RIT2: variants seen among roughly 807,000 people sequenced by gnomAD.
RIT2 encodes Ras like without CAAX 2.
A neutral mutation model predicts 23.7 loss-of-function variants in RIT2; 24 were observed. The observed-to-expected ratio is 1.01, with a 90% CI of 0.73 to 1.43. RIT2 has a LOEUF of 1.43. Among genes scored for constraint, RIT2 ranks in the 40% most tolerant of loss-of-function variants. The pLI, the probability that RIT2 is intolerant of heterozygous loss-of-function variation, is 0.00. For synonymous variants in RIT2, 107 were observed against 91.1 expected (o/e 1.17, Z -0.99); for missense variants, 236 against 266.9 (o/e 0.88, Z 0.81).
intron 2 of RIT2, among the ~76,000 whole-genome samples, chr18:42,993,944 A>G (rs927689615): frequency 1.3e-5 from 2 of 152,124 alleles, no homozygotes; most frequent in Non-Finnish European, 2.9e-5. Context: ...TTTAAAGCCT[A>G]TAAACTCTCC....
At chr18:43,090,295 G>T (rs1913390174) in intron 1 of RIT2, among the ~76,000 whole-genome samples, 1 of 152,114 alleles carries the variant, frequency 6.6e-6, no homozygotes, top group Non-Finnish European at 1.5e-5. Context: ...GATCATTAGA[G>T]AAATGCAAAT....
At chr18:42,823,465 C>T (rs771498290) in intron 4 of RIT2, among the ~76,000 whole-genome samples, 12 of 152,086 alleles carry the variant, frequency 7.9e-5, no homozygotes, top group Non-Finnish European at 2.9e-5. Flanking sequence ...TTGATAAAAA[C>T]TGTGAAAGCA....
At chr18:42,875,795 G>C (rs1422417353) in intron 4 of RIT2, among the ~76,000 whole-genome samples, 1 of 151,794 alleles carries the variant, frequency 6.6e-6, no homozygotes, top group South Asian at 2.1e-4. Context: ...CTTCTTTCTG[G>C]TGAAGAGGGT....
chr18:43,081,668 G>T lies in RIT2; in HGVS notation c.103+33749C>A, dbSNP rs575250717. 2.0e-5 allele frequency among the ~76,000 whole-genome samples: 3 copies of T among 152,142 alleles called. No homozygotes were observed. The South Asian group carries it at 6.2e-4, about 32-fold the overall frequency. On this transcript the variant is annotated intron_variant, in intron 1 of 4. Coordinates refer to ENST00000326695, the MANE Select transcript of RIT2 (RefSeq NM_002930.4). ...CTAGAAGACTCCTGATTACTAAGAG[G>T]GAGACCTATATTTAAAACTCAGGTC...
intron 3 of RIT2, among the ~76,000 whole-genome samples, chr18:42,927,486 A>G (rs898289626): frequency 4.0e-5 from 6 of 151,818 alleles, no homozygotes; most frequent in Admixed American, 4.0e-4. Flanking sequence ...TCAACTTAAT[A>G]ATATATGATA....
chr18:43,000,671 A>T (rs997268414), intron 2 of RIT2, among the ~76,000 whole-genome samples: 2 of 151,832 alleles, frequency 1.3e-5, no homozygotes, highest in African/African-American at 4.8e-5. Flanking sequence ...CATAATAGTG[A>T]GTTTTCATGA....
At chr18:42,981,469 A>T (rs1568046039) in intron 2 of RIT2, among the ~76,000 whole-genome samples, 1 of 152,134 alleles carries the variant, frequency 6.6e-6, no homozygotes, top group Admixed American at 6.6e-5. Context: ...GAGAATATCT[A>T]GCGACAAAGG....
intron 4 of RIT2, among the ~76,000 whole-genome samples, chr18:42,843,668 G>C (rs1906829254): frequency 6.6e-6 from 1 of 152,106 alleles, no homozygotes; most frequent in African/African-American, 2.4e-5. Context: ...AGCTCAGGGG[G>C]GTTCTCAATT....
intron 2 of RIT2, among the ~76,000 whole-genome samples, chr18:42,974,772 G>A (rs1042392653): frequency 6.6e-5 from 10 of 152,018 alleles, no homozygotes; most frequent in East Asian, 3.9e-4. Context: ...TAATAATAAC[G>A]TGAAGAGAAA....
intron 3 of RIT2, among the ~76,000 whole-genome samples, chr18:42,963,071 G>C (rs778806049): frequency 5.3e-5 from 8 of 152,102 alleles, no homozygotes; most frequent in Non-Finnish European, 8.8e-5. Flanking sequence ...CCTTGAATAG[G>C]AGCATTTAAG....
intron 1 of RIT2, among the ~76,000 whole-genome samples, chr18:43,068,133 T>C (rs1912812862): frequency 6.6e-6 from 1 of 152,164 alleles, no homozygotes; most frequent in South Asian, 2.1e-4. Flanking sequence ...GTGATGAGGA[T>C]GTATAAGATA....
Position 43,103,215 on chromosome 18 carries a change from A to G in RIT2, c.103+12202T>C, listed in dbSNP as rs1913729968. Among the ~76,000 whole-genome samples the G allele has an allele frequency of 7.2e-5, 11 of 152,174 alleles. No individual in the cohort carries two copies. The South Asian group carries it at 2.3e-3, about 32-fold the overall frequency. On this transcript the variant is annotated intron_variant, in intron 1 of 4. Transcript: ENST00000326695. ...TCTATTATTCATGGCTCTATTGTGA[A>G]CTTTTAGAATATTGCTTAGTTTTAT...
intron 1 of RIT2, among the ~76,000 whole-genome samples, chr18:43,040,527 A>G (rs968887391): frequency 6.6e-6 from 1 of 152,180 alleles, no homozygotes; most frequent in Non-Finnish European, 1.5e-5. Flanking sequence ...GCCTCCTCTG[A>G]GTTCTTTATG....
chr18:42,820,692 T>C (rs1020460850), intron 4 of RIT2, among the ~76,000 whole-genome samples: 5 of 152,180 alleles, frequency 3.3e-5, no homozygotes, highest in Non-Finnish European at 4.4e-5. Context: ...ATTTCTTCTC[T>C]TTATCCTTTC....
intron 4 of RIT2, among the ~76,000 whole-genome samples, chr18:42,813,151 T>C (rs532589140): frequency 3.6e-4 from 55 of 152,326 alleles, no homozygotes; most frequent in African/African-American, 1.3e-3. Flanking sequence ...GATAGTAGCG[T>C]AGTAAGAATA....
intron 4 of RIT2, among the ~76,000 whole-genome samples, chr18:42,835,845 G>A (rs1906587356): frequency 6.6e-6 from 1 of 151,860 alleles, no homozygotes; most frequent in Non-Finnish European, 1.5e-5. Flanking sequence ...TGCTCAATAT[G>A]GTGTCATTTA....
chr18:42,968,831 A>C (rs963004528), intron 3 of RIT2, among the ~76,000 whole-genome samples: 1 of 152,216 alleles, frequency 6.6e-6, no homozygotes, highest in Non-Finnish European at 1.5e-5. Context: ...GTAAGATTAT[A>C]GTAACAGGAT....
chr18:42,942,343 G>A (rs1447252258), intron 3 of RIT2, among the ~76,000 whole-genome samples: 2 of 152,112 alleles, frequency 1.3e-5, no homozygotes, highest in Admixed American at 6.6e-5. Flanking sequence ...TCTGGACAGT[G>A]AAGGAGAAGT....
chr18:43,068,525 C>T (rs1308309791), intron 1 of RIT2, among the ~76,000 whole-genome samples: 1 of 151,932 alleles, frequency 6.6e-6, no homozygotes, highest in Non-Finnish European at 1.5e-5. Flanking sequence ...TCAGAGAGAT[C>T]CATAGCAAAC....
Sources: gnomAD v4.1 joint callset for allele counts (sites outside exome capture counted in the v4.1 genomes callset) on GRCh38, gnomAD v4.1.1 for gene constraint, MANE v1.5 for transcripts, NCBI Gene and HGNC (gene_info 2026-07-23, HGNC 2026-07-21) for gene names.